The following TEX11 variants were observed in gnomAD, a reference collection of about 807,000 sequenced individuals.
The protein encoded by TEX11 is testis expressed 11.
A neutral mutation model predicts 84.4 loss-of-function variants in TEX11; 7 were observed. The ratio of observed to expected loss-of-function variants is 0.08; its 90% CI spans 0.05 to 0.16. TEX11 has a LOEUF of 0.16. Among genes scored for constraint, TEX11 ranks in the 10% least tolerant of loss-of-function variants. The pLI is 1.00. For synonymous variants in TEX11, 264 were observed against 222.8 expected (o/e 1.18, Z -1.64); for missense variants, 551 against 660.5 (o/e 0.83, Z 1.82).
rs766309409 is a variant in TEX11, at chrX:70,725,245, A to G, written c.925+17T>C. ...GATGTTTCAAAATGGTGTGCTCTTC[A>G]CATACAGAGATCATACCTTCAAGGA... On this transcript the variant is annotated intron_variant, in intron 12 of 29. Transcript: ENST00000374333. The G allele has an allele frequency of 5.3e-6, 6 of 1,121,935 alleles. No individual in the cohort carries two copies. Among genetic ancestry groups the G allele is most frequent in the East Asian group, 3.0e-5 (1 of 33,229 alleles). 92.5% of individuals were successfully genotyped at this position (1,121,935 alleles called of 1,213,427 possible).
At chrX:70,894,429 C>T (rs554665158) in intron 2 of TEX11, among the ~76,000 whole-genome samples, 7 of 110,272 alleles carry the variant, frequency 6.3e-5, no homozygotes, top group Admixed American at 4.9e-4. Context: ...AGATCGAGAC[C>T]ATCCTGGCCA....
At chrX:70,784,266 C>A (rs927759435) in intron 9 of TEX11, among the ~76,000 whole-genome samples, 1 of 111,357 alleles carries the variant, frequency 9.0e-6, no homozygotes, top group African/African-American at 3.3e-5. Context: ...AGGCCTTCAA[C>A]AAAATTCAAC....
chrX:70,700,887 T>C (rs764840323), intron 13 of TEX11, among the ~76,000 whole-genome samples: 10 of 111,927 alleles, frequency 8.9e-5, no homozygotes, highest in South Asian at 3.8e-4. Flanking sequence ...GTGGTCTGGA[T>C]AGAAGATCAA....
intron 2 of TEX11, among the ~76,000 whole-genome samples, chrX:70,904,277 T>G (rs943592140): frequency 4.5e-5 from 5 of 111,379 alleles, no homozygotes; most frequent in African/African-American, 1.6e-4. Context: ...TATGTGTGCA[T>G]AAGAGAAAAC....
chrX:70,602,503 C>G (rs1470171662), intron 24 of TEX11, among the ~76,000 whole-genome samples: 1,955 of 104,453 alleles, frequency 0.019, 21 homozygotes, highest in Non-Finnish European at 0.026. Flanking sequence ...ATTCAACAAC[C>G]CTTCATGCTA....
chrX:70,584,547 A>G (rs1302411876), intron 25 of TEX11, among the ~76,000 whole-genome samples: 1 of 111,704 alleles, frequency 9.0e-6, no homozygotes, highest in Non-Finnish European at 1.9e-5. Flanking sequence ...AACTTCTTCT[A>G]TGAAGCCAGC....
chrX:70,713,109 G>A (rs1303528348), intron 13 of TEX11, among the ~76,000 whole-genome samples: 2 of 111,953 alleles, frequency 1.8e-5, no homozygotes, highest in African/African-American at 3.2e-5. Context: ...ATTTGCATAT[G>A]TTGAACCAGC....
At chrX:70,848,117 G>A (rs1311391868) in intron 7 of TEX11, among the ~76,000 whole-genome samples, 2 of 111,371 alleles carry the variant, frequency 1.8e-5, no homozygotes, top group African/African-American at 3.3e-5. Flanking sequence ...TTCTAAACAC[G>A]ATTACAGGTT....
At chrX:70,616,542 T>G (rs768413655) in intron 20 of TEX11, among the ~76,000 whole-genome samples, 1 of 111,201 alleles carries the variant, frequency 9.0e-6, no homozygotes, top group South Asian at 3.9e-4. Context: ...AAGGAAGAGA[T>G]AGTCAGTACA....
intron 25 of TEX11, 141 bp from the exon 26 acceptor site, chrX:70,554,941 A>G (rs2088266554): frequency 2.0e-6 from 1 of 510,360 alleles, no homozygotes; most frequent in Admixed American, 5.2e-5. Context: ...TCACTGCTGT[A>G]GACAGATTCT....
At chrX:70,553,446 A>G in intron 26 of TEX11, 32 bp from the exon 27 acceptor site, 4 of 1,010,866 alleles carry the variant, frequency 4.0e-6, no homozygotes, top group Non-Finnish European at 5.4e-6. Flanking sequence ...GGTTGTGAAC[A>G]TGATAATGTC....
intron 9 of TEX11, among the ~76,000 whole-genome samples, chrX:70,792,781 T>C (rs1279211691): frequency 9.0e-5 from 10 of 110,704 alleles, no homozygotes; most frequent in Non-Finnish European, 1.9e-4. Flanking sequence ...CCAATCCTAC[T>C]GAAAATATTC....
intron 8 of TEX11, among the ~76,000 whole-genome samples, chrX:70,816,629 T>C (rs1243937419): frequency 9.1e-6 from 1 of 109,771 alleles, no homozygotes; most frequent in Non-Finnish European, 1.9e-5. Context: ...GGACAATCGC[T>C]TGAACCTGGG....
chrX:70,882,887 CTT>C lies in TEX11; in HGVS notation c.38-2780_38-2779del, dbSNP rs769042516. On this transcript the variant is annotated intron_variant, in intron 2 of 29. Coordinates refer to ENST00000374333, the MANE Select transcript of TEX11 (RefSeq NM_031276.3). ...ATATATTTTGATTTGTGAATGTTCT[CTT>C]AAGTGGTTAATGTTTTATTAACTCA... 3.6e-5 allele frequency among the ~76,000 whole-genome samples: 4 copies of C among 111,953 alleles called. No individual in the cohort carries two copies. In the Admixed American group the frequency reaches 3.8e-4, roughly 11 times the overall value.
intron 5 of TEX11, among the ~76,000 whole-genome samples, chrX:70,858,520 AAAAT>A (rs1024923970): frequency 1.1e-4 from 12 of 110,334 alleles, no homozygotes; most frequent in South Asian, 3.9e-4. Context: ...GAAAAAATAG[AAAAT>A]AAATAAATAA....
At chrX:70,773,757 A>G (rs1381720524) in intron 9 of TEX11, among the ~76,000 whole-genome samples, 1 of 111,999 alleles carries the variant, frequency 8.9e-6, no homozygotes, top group Non-Finnish European at 1.9e-5. Context: ...CTCCACTAAT[A>G]AGAACCAAAA....
intron 13 of TEX11, among the ~76,000 whole-genome samples, chrX:70,685,925 T>C (rs2090184834): frequency 8.9e-6 from 1 of 112,077 alleles, no homozygotes; most frequent in African/African-American, 3.2e-5. Flanking sequence ...GACAAGGTTT[T>C]TTTTTTCTTG....
At chrX:70,785,437 G>C (rs1301157722) in intron 9 of TEX11, among the ~76,000 whole-genome samples, 1 of 111,927 alleles carries the variant, frequency 8.9e-6, no homozygotes. Flanking sequence ...AACACCAAAA[G>C]CTATGGCAAC....
Position 70,678,778 on chromosome X carries a change from G to A in TEX11, c.1242+26C>T, listed in dbSNP as rs533130821. ...TTTTTTGTTGCAGTGGAGAAATAAA[G>A]AATGAAAAAGAGATTATTCTCAAAC... On this transcript the variant is annotated intron_variant, in intron 15 of 29. Transcript: ENST00000374333. 8.0e-5 allele frequency: 92 copies of A among 1,157,114 alleles called. 1 individual carries two copies. In the South Asian group the frequency reaches 1.5e-3, roughly 19 times the overall value.
Sources: allele counts gnomAD v4.1 joint callset (sites outside exome capture counted in the v4.1 genomes callset), GRCh38; gene constraint gnomAD v4.1.1; transcripts MANE v1.5; gene names NCBI Gene and HGNC (gene_info 2026-07-23, HGNC 2026-07-21).